UTS2: variants seen among roughly 807,000 people sequenced by gnomAD.
UTS2 encodes the protein urotensin 2.
Under a neutral mutation model 12.6 loss-of-function variants are expected in UTS2, and 10 were observed. The observed-to-expected ratio is 0.80, with a 90% CI of 0.49 to 1.35. The LOEUF (loss-of-function observed/expected upper bound fraction) is 1.35, where lower values mean the gene tolerates loss of function less well. Ranked by LOEUF, UTS2 falls within the 40% of genes most tolerant of loss-of-function variation. The pLI is 0.00. For synonymous variants in UTS2, 52 were observed against 50.0 expected (o/e 1.04, Z -0.17); for missense variants, 142 against 143.2 (o/e 0.99, Z 0.04).
chr1:7,885,914 GGGGC>G, the UTS2 span, among the ~76,000 whole-genome samples: 1 of 82,874 alleles, frequency 1.2e-5, no homozygotes, highest in African/African-American at 5.3e-5. Context: ...GGGGTGGGGG[GGGGC>G]GGGTGGAGGT....
At chr1:7,884,806 C>T in the UTS2 span, among the ~76,000 whole-genome samples, 1 of 151,944 alleles carries the variant, frequency 6.6e-6, no homozygotes, top group South Asian at 2.1e-4. Context: ...ACCCACCCAT[C>T]CATTTACCCA....
At chr1:7,893,609 C>T in the UTS2 span, among the ~76,000 whole-genome samples, 1 of 152,158 alleles carries the variant, frequency 6.6e-6, no homozygotes, top group East Asian at 1.9e-4. Flanking sequence ...AACAGCGTTG[C>T]CATGTGGACG....
the UTS2 span, among the ~76,000 whole-genome samples, chr1:7,906,598 T>C: frequency 2.0e-5 from 3 of 152,266 alleles, no homozygotes; most frequent in East Asian, 5.8e-4. Flanking sequence ...AAATTCATAC[T>C]TGCACACAGA....
chr1:7,883,417 TACAA>T, the UTS2 span, among the ~76,000 whole-genome samples: 1 of 152,128 alleles, frequency 6.6e-6, no homozygotes, highest in Non-Finnish European at 1.5e-5. Context: ...GGTTAATGGG[TACAA>T]ACAAACAGTT....
the UTS2 span, among the ~76,000 whole-genome samples, chr1:7,882,163 C>T: frequency 2.3e-5 from 3 of 130,838 alleles, no homozygotes; most frequent in Admixed American, 7.8e-5. Flanking sequence ...AGGGAGACGC[C>T]ATCTCTACAA....
the UTS2 span, among the ~76,000 whole-genome samples, chr1:7,860,538 C>T: frequency 6.6e-6 from 1 of 152,222 alleles, no homozygotes; most frequent in Non-Finnish European, 1.5e-5. Context: ...TTTTGAAGAA[C>T]AGTATGGCAC....
chr1:7,889,524 G>T, the UTS2 span, among the ~76,000 whole-genome samples: 1 of 151,752 alleles, frequency 6.6e-6, no homozygotes, highest in Non-Finnish European at 1.5e-5. Flanking sequence ...GAAAGATCCG[G>T]CCAGGTGCAG....
At chr1:7,901,089 G>GT in the UTS2 span, among the ~76,000 whole-genome samples, 2 of 152,160 alleles carry the variant, frequency 1.3e-5, no homozygotes, top group African/African-American at 2.4e-5. Context: ...GGTAAGTTAC[G>GT]TTTTTTCTAG....
chr1:7,875,760 T>G, the UTS2 span, among the ~76,000 whole-genome samples: 4 of 152,028 alleles, frequency 2.6e-5, no homozygotes, highest in African/African-American at 4.8e-5. Flanking sequence ...CCAGCCATCA[T>G]TCAGGAACTT....
chr1:7,849,970 A>ATT lies in UTS2; in HGVS notation c.215-289_215-288dup, dbSNP rs35419840. On this transcript the variant is annotated intron_variant, in intron 2 of 3. Coordinates refer to ENST00000361696, the MANE Select transcript of UTS2 (RefSeq NM_006786.4). ...ACAATACCTATCTTAAAAGGCTCAA[A>ATT]TTTTTTTTTTTTTTTTTGAGACAGA... 4.2e-3 allele frequency among the ~76,000 whole-genome samples: 586 copies of ATT among 140,578 alleles called. 6 individuals carry two copies. The highest frequency in any genetic ancestry group is 0.034 in the East Asian group (163 of 4,754). The allele number at this position is 140,578 out of a possible 152,430, so 92.2% of individuals were successfully genotyped here.
the UTS2 span, among the ~76,000 whole-genome samples, chr1:7,882,107 G>A: frequency 1.2e-4 from 19 of 152,166 alleles, no homozygotes; most frequent in Non-Finnish European, 2.6e-4. Context: ...GGCCAAGGTG[G>A]GAGTATTGCT....
At chr1:7,888,814 CTG>C in the UTS2 span, among the ~76,000 whole-genome samples, 1 of 152,182 alleles carries the variant, frequency 6.6e-6, no homozygotes, top group Non-Finnish European at 1.5e-5. Flanking sequence ...CAGGGGCTGA[CTG>C]TGAACATTTT....
chr1:7,890,333 T>A, the UTS2 span, among the ~76,000 whole-genome samples: 1 of 152,076 alleles, frequency 6.6e-6, no homozygotes, highest in South Asian at 2.1e-4. Context: ...TTTTTCTCCG[T>A]CCTTGCAAGT....
At chr1:7,879,381 G>A in the UTS2 span, among the ~76,000 whole-genome samples, 10 of 152,086 alleles carry the variant, frequency 6.6e-5, no homozygotes, top group African/African-American at 2.2e-4. Flanking sequence ...ACAAATACAT[G>A]GAAATTAAAT....
At chr1:7,862,564 G>A in the UTS2 span, among the ~76,000 whole-genome samples, 7 of 152,118 alleles carry the variant, frequency 4.6e-5, no homozygotes, top group Admixed American at 2.0e-4. Flanking sequence ...TGGCATCTGC[G>A]TCTGGTGAGG....
the UTS2 span, among the ~76,000 whole-genome samples, chr1:7,882,639 T>C: frequency 6.6e-6 from 1 of 152,050 alleles, no homozygotes; most frequent in South Asian, 2.1e-4. Flanking sequence ...CTAGAGAATG[T>C]AAGAAAATAT....
the UTS2 span, among the ~76,000 whole-genome samples, chr1:7,871,907 A>C: frequency 6.6e-6 from 1 of 152,040 alleles, no homozygotes; most frequent in Non-Finnish European, 1.5e-5. Flanking sequence ...CCTGAGACAA[A>C]CAATATTGAA....
upstream of UTS2, chr1:7,853,445 A>T: frequency 1.9e-6 from 3 of 1,611,630 alleles, no homozygotes; most frequent in Non-Finnish European, 2.5e-6. Context: ...TTAATCTTTC[A>T]TGAGTGAGTA....
chr1:7,901,200 A>T, the UTS2 span, among the ~76,000 whole-genome samples: 1 of 152,206 alleles, frequency 6.6e-6, no homozygotes, highest in Admixed American at 6.6e-5. Context: ...TAGATTAAGT[A>T]ATGGAGCTTG....
Sources: allele counts gnomAD v4.1 joint callset (sites outside exome capture counted in the v4.1 genomes callset), GRCh38; gene constraint gnomAD v4.1.1; transcripts MANE v1.5; gene names NCBI Gene and HGNC (gene_info 2026-07-23, HGNC 2026-07-21).